Variants in ALK observed in about 807,000 individuals in gnomAD.
The protein encoded by ALK is ALK tyrosine kinase receptor.
In ALK, 74 loss-of-function variants were observed where a neutral mutation model predicts 163.1. That is an observed-to-expected ratio of 0.45 (90% CI 0.38 to 0.55). The LOEUF is 0.55. ALK is among the 20% of genes least tolerant of loss of function. The pLI, the probability that ALK is intolerant of heterozygous loss-of-function variation, is 0.00. For synonymous variants in ALK, 960 were observed against 843.2 expected (o/e 1.14, Z -2.40); for missense variants, 2,063 against 2,105.3 (o/e 0.98, Z 0.39).
chr2:29,598,536 C>T (rs552262504), intron 3 of ALK, among the ~76,000 whole-genome samples: 2 of 152,208 alleles, frequency 1.3e-5, no homozygotes, highest in South Asian at 4.1e-4. Flanking sequence ...CACAGTCTTG[C>T]AAGTAGGAAT....
At chr2:29,747,846 G>A (rs1680247202) in intron 1 of ALK, among the ~76,000 whole-genome samples, 1 of 152,132 alleles carries the variant, frequency 6.6e-6, no homozygotes, top group Non-Finnish European at 1.5e-5. Flanking sequence ...GGCACACATT[G>A]TCAAGCTTTC....
In ALK at chr2:29,222,416, G is replaced by C; in HGVS notation, c.3451-8C>G. On this transcript the variant is annotated splice_polypyrimidine_tract_variant and splice_region_variant and intron_variant, in intron 21 of 28. Coordinates refer to ENST00000389048, the MANE Select transcript of ALK (RefSeq NM_004304.5). ...GCACACTTCAGGCAGCGTCTGGGCA[G>C]AGAAGGGGAGGGTGGGGAGGAGGAG... 1 of 1,614,106 alleles carries C rather than the reference G, an allele frequency of 6.2e-7. No individual in the cohort carries two copies. The highest frequency in any genetic ancestry group is 8.5e-7 in the Non-Finnish European group (1 of 1,179,990).
At chr2:29,827,617 G>C (rs996486358) in intron 1 of ALK, among the ~76,000 whole-genome samples, 4 of 152,206 alleles carry the variant, frequency 2.6e-5, no homozygotes, top group Admixed American at 6.5e-5. Flanking sequence ...CTCCTACTAA[G>C]AAACTGATTC....
At chr2:29,467,911 CAT>C (rs759101817) in intron 4 of ALK, among the ~76,000 whole-genome samples, 31 of 152,124 alleles carry the variant, frequency 2.0e-4, no homozygotes, top group Middle Eastern at 3.4e-3. Context: ...TGTTATGTAA[CAT>C]ATTTATTATT....
At chr2:29,326,325 T>A (rs1424814725) in intron 6 of ALK, among the ~76,000 whole-genome samples, 1 of 152,234 alleles carries the variant, frequency 6.6e-6, no homozygotes, top group African/African-American at 2.4e-5. Context: ...TGACATGCTG[T>A]GTGACCCTGA....
chr2:29,735,987 G>T (rs974849373), intron 1 of ALK, among the ~76,000 whole-genome samples: 1 of 151,932 alleles, frequency 6.6e-6, no homozygotes, highest in Non-Finnish European at 1.5e-5. Flanking sequence ...CCTATTTTGC[G>T]TATAAGAAAA....
rs10211451 is a variant in ALK at position 29,741,232 on chromosome 2, T to G, written c.668-23535A>C. Among the ~76,000 whole-genome samples, 485 of 151,952 alleles carry G rather than the reference T, an allele frequency of 3.2e-3. 4 individuals are homozygous for G. The highest frequency in any genetic ancestry group is 0.011 in the African/African-American group (466 of 41,436). Reference sequence around the variant, plus strand: ...GATAAATAGGTGGACCACAGAGGATTTGGGGGGCAATGAAACTACTCTCTA... The same window carrying G: ...GATAAATAGGTGGACCACAGAGGATGTGGGGGGCAATGAAACTACTCTCTA... On this transcript the variant is annotated intron_variant, in intron 1 of 28. Coordinates refer to ENST00000389048, the MANE Select transcript of ALK (RefSeq NM_004304.5).
At chr2:29,574,356 C>T (rs1003901251) in intron 3 of ALK, among the ~76,000 whole-genome samples, 3 of 152,206 alleles carry the variant, frequency 2.0e-5, no homozygotes, top group African/African-American at 4.8e-5. Context: ...TAAACCGAAA[C>T]GTACATGAGG....
At chr2:29,806,532 G>A (rs757247506) in intron 1 of ALK, among the ~76,000 whole-genome samples, 3 of 152,184 alleles carry the variant, frequency 2.0e-5, no homozygotes, top group Non-Finnish European at 4.4e-5. Flanking sequence ...TTGCACAGTG[G>A]CTGAAAACTT....
intron 2 of ALK, among the ~76,000 whole-genome samples, chr2:29,700,096 A>G (rs1264695056): frequency 6.6e-6 from 1 of 152,210 alleles, no homozygotes; most frequent in East Asian, 1.9e-4. Flanking sequence ...GGGCCGACAC[A>G]ATCAAACCTA....
chr2:29,675,390 G>A (rs1197305543), intron 3 of ALK, among the ~76,000 whole-genome samples: 1 of 151,914 alleles, frequency 6.6e-6, no homozygotes, highest in East Asian at 1.9e-4. Context: ...AACAGTTATT[G>A]AAAATCAAGT....
intron 24 of ALK, among the ~76,000 whole-genome samples, chr2:29,212,649 T>G (rs2697336): frequency 0.23 from 35,197 of 152,226 alleles, 4,380 homozygotes; most frequent in Middle Eastern, 0.39. Flanking sequence ...TTCCCCATTT[T>G]TATTAGGGAG....
intron 5 of ALK, among the ~76,000 whole-genome samples, chr2:29,343,793 C>G (rs867321638): frequency 1.3e-5 from 2 of 152,106 alleles, no homozygotes; most frequent in South Asian, 4.1e-4. Context: ...AATCTTGCTA[C>G]GAAGTACAGG....
chr2:29,231,966 C>T (rs1664220953), intron 15 of ALK, among the ~76,000 whole-genome samples: 1 of 152,126 alleles, frequency 6.6e-6, no homozygotes, highest in Non-Finnish European at 1.5e-5. Flanking sequence ...TTCACCTGCT[C>T]ATATCCTAAC....
chr2:29,288,905 T>C (rs187164803), intron 9 of ALK, among the ~76,000 whole-genome samples: 3,669 of 143,812 alleles, frequency 0.026, 153 homozygotes, highest in African/African-American at 0.087. Flanking sequence ...TGAGCTGAGA[T>C]GGTGCCACTG....
chr2:29,463,769 C>A (rs760507041), intron 4 of ALK, among the ~76,000 whole-genome samples: 1 of 152,176 alleles, frequency 6.6e-6, no homozygotes, highest in Non-Finnish European at 1.5e-5. Context: ...CCCCTTGAGT[C>A]TTTGGCTGAG....
At chr2:29,893,746 C>T (rs553361909) in intron 1 of ALK, among the ~76,000 whole-genome samples, 49 of 152,202 alleles carry the variant, frequency 3.2e-4, no homozygotes, top group African/African-American at 1.2e-3. Flanking sequence ...TAGAAATTAG[C>T]TTGTTTAAAT....
intron 3 of ALK, among the ~76,000 whole-genome samples, chr2:29,669,055 C>G (rs963939922): frequency 2.0e-5 from 3 of 151,952 alleles, no homozygotes; most frequent in African/African-American, 7.2e-5. Flanking sequence ...GGTGGGGACA[C>G]AGCCAAACCA....
intron 4 of ALK, among the ~76,000 whole-genome samples, chr2:29,401,300 G>T (rs6740617): frequency 0.88 from 133,644 of 152,072 alleles, 59,048 homozygotes; most frequent in Middle Eastern, 0.96. Context: ...AGTCTCTTTC[G>T]AATACTCCAC....
Sources: allele counts gnomAD v4.1 joint callset (sites outside exome capture counted in the v4.1 genomes callset), GRCh38; gene constraint gnomAD v4.1.1; transcripts MANE v1.5; gene names NCBI Gene and HGNC (gene_info 2026-07-23, HGNC 2026-07-21).